Variants in ELAPOR2 observed in about 807,000 individuals in gnomAD.
The protein encoded by ELAPOR2 is endosome-lysosome associated apoptosis and autophagy regulator family member 2, also known as endosome/lysosome-associated apoptosis and autophagy regulator family member 2.
Under a neutral mutation model 120.7 loss-of-function variants are expected in ELAPOR2, and 89 were observed. That is an observed-to-expected ratio of 0.74 (90% CI 0.62 to 0.88). The LOEUF is 0.88. ELAPOR2 is among the 40% of genes least tolerant of loss of function. The probability of loss-of-function intolerance (pLI) is 0.00; values close to 1 mark genes in which losing one functional copy is unlikely to be tolerated. For missense variants in ELAPOR2, 1,134 were observed against 1,251.6 expected (o/e 0.91, Z 1.42); for synonymous variants, 444 against 444.9 (o/e 1.00, Z 0.03).
At chr7:86,895,295 C>T (rs966923988) in intron 19 of ELAPOR2, among the ~76,000 whole-genome samples, 1 of 151,966 alleles carries the variant, frequency 6.6e-6, no homozygotes, top group African/African-American at 2.4e-5. Context: ...ATTCAGTGAT[C>T]GAGGTGGCTA....
chr7:87,000,468 C>T (rs1204593893), intron 1 of ELAPOR2, among the ~76,000 whole-genome samples: 1 of 152,152 alleles, frequency 6.6e-6, no homozygotes, highest in Non-Finnish European at 1.5e-5. Context: ...TGGATTTATC[C>T]TCTGGCCCAG....
chr7:86,893,108 A>G lies in ELAPOR2; in HGVS notation c.2686-8T>C, dbSNP rs747996444. On this transcript the variant is annotated splice_polypyrimidine_tract_variant and splice_region_variant and intron_variant, in intron 19 of 21. Coordinates refer to ENST00000450689, the MANE Select transcript of ELAPOR2 (RefSeq NM_001142749.3). The stretch of plus-strand genomic sequence containing the variant: ...CCACACATACAAGGTTTCCTTTAAA[A>G]AAAAAAACATAAAACCATAGAAGAC... 1 of 1,533,452 alleles carries G rather than the reference A, an allele frequency of 6.5e-7. No homozygotes were observed. Among genetic ancestry groups the G allele is most frequent in the South Asian group, 1.3e-5 (1 of 76,092 alleles). The allele number at this position is 1,533,452 out of a possible 1,614,324, so 95.0% of individuals were successfully genotyped here. A position where few individuals can be genotyped will look rare whatever the true frequency, so the allele number is the denominator to read the frequency against.
intron 1 of ELAPOR2, among the ~76,000 whole-genome samples, chr7:86,993,532 G>A (rs1208773252): frequency 6.6e-6 from 1 of 152,136 alleles, no homozygotes; most frequent in Non-Finnish European, 1.5e-5. Context: ...AAAATAAGAG[G>A]AATCTTACAA....
chr7:87,052,499 T>C (rs1230575326), intron 1 of ELAPOR2, among the ~76,000 whole-genome samples: 1 of 152,202 alleles, frequency 6.6e-6, no homozygotes, highest in African/African-American at 2.4e-5. Context: ...TATCAATTCC[T>C]TTCTTTATAC....
At chr7:87,050,707 G>A (rs1201440500) in intron 1 of ELAPOR2, among the ~76,000 whole-genome samples, 1 of 152,146 alleles carries the variant, frequency 6.6e-6, no homozygotes, top group Non-Finnish European at 1.5e-5. Flanking sequence ...ATATTTTAAT[G>A]CTATCTCTGA....
At chr7:86,945,787 A>G (rs1790974629) in intron 3 of ELAPOR2, among the ~76,000 whole-genome samples, 1 of 152,316 alleles carries the variant, frequency 6.6e-6, no homozygotes, top group South Asian at 2.1e-4. Context: ...ACATATGACC[A>G]CAGCAGAAAA....
chr7:86,944,300 ATTACT>A (rs1221839817), intron 4 of ELAPOR2, among the ~76,000 whole-genome samples: 3 of 152,090 alleles, frequency 2.0e-5, no homozygotes, highest in East Asian at 1.9e-4. Flanking sequence ...TTGTTAGATG[ATTACT>A]TTATCTTATC....
At chr7:86,939,058 A>C in intron 6 of ELAPOR2, 98 bp from the exon 7 acceptor site, 1 of 1,355,236 alleles carries the variant, frequency 7.4e-7, no homozygotes, top group Non-Finnish European at 1.0e-6. Context: ...AGGGAGATAT[A>C]TGAACAGTAA....
At chr7:86,913,821 A>G (rs1789432334) in intron 13 of ELAPOR2, among the ~76,000 whole-genome samples, 1 of 152,160 alleles carries the variant, frequency 6.6e-6, no homozygotes, top group Non-Finnish European at 1.5e-5. Flanking sequence ...ACACTGAGTC[A>G]CTTTAAGGTC....
intron 8 of ELAPOR2, among the ~76,000 whole-genome samples, chr7:86,934,857 T>C (rs1393300744): frequency 6.6e-6 from 1 of 151,986 alleles, no homozygotes; most frequent in East Asian, 1.9e-4. Flanking sequence ...CCAGACCTTC[T>C]CTCTAACCAA....
At chr7:86,899,273 T>C (rs973603131) in intron 18 of ELAPOR2, among the ~76,000 whole-genome samples, 1 of 152,108 alleles carries the variant, frequency 6.6e-6, no homozygotes, top group African/African-American at 2.4e-5. Context: ...TGCCGGAAGC[T>C]ATTTGGACAG....
chr7:86,900,884 C>T (rs1197555499), intron 18 of ELAPOR2, among the ~76,000 whole-genome samples: 1 of 152,118 alleles, frequency 6.6e-6, no homozygotes. Context: ...ACCAAGAAAA[C>T]AGAAAAACAA....
At chr7:86,911,998 C>T in intron 15 of ELAPOR2, 74 bp downstream of exon 15, 1 of 1,398,772 alleles carries the variant, frequency 7.1e-7, no homozygotes. Flanking sequence ...ATTTATTGGT[C>T]CATTAACACA....
At chr7:87,010,316 C>A (rs1376179375) in intron 1 of ELAPOR2, among the ~76,000 whole-genome samples, 1 of 152,152 alleles carries the variant, frequency 6.6e-6, no homozygotes, top group East Asian at 1.9e-4. Flanking sequence ...TAAATGGAGT[C>A]AAATAAATCT....
chr7:86,984,478 A>G (rs938892066), intron 1 of ELAPOR2, among the ~76,000 whole-genome samples: 1 of 152,238 alleles, frequency 6.6e-6, no homozygotes, highest in African/African-American at 2.4e-5. Flanking sequence ...AAATCACAAC[A>G]TACTGTCTCC....
At position 86,926,760 on chromosome 7, in the gene ELAPOR2, CAGG is replaced by C. The variant is rs780464668; in HGVS notation, c.1243_1245del (p.Pro415del). 3 of 1,609,044 alleles carry C rather than the reference CAGG, an allele frequency of 1.9e-6. No homozygotes were observed. The African/African-American group carries it at 4.0e-5, about 22-fold the overall frequency. On this transcript the variant is annotated inframe_deletion, in exon 9 of 22. Transcript: ENST00000450689. ...CCTTTGGTTCCATCTGAAAATGTTC[CAGG>C]AGGACAGGGATGGCAAGAAGATGAT...
intron 3 of ELAPOR2, among the ~76,000 whole-genome samples, chr7:86,946,709 G>GA (rs1791024479): frequency 1.3e-5 from 2 of 152,076 alleles, no homozygotes; most frequent in South Asian, 4.1e-4. Flanking sequence ...TTTACACTGA[G>GA]AAAATTACAC....
chr7:87,050,832 G>C (rs1279297591), intron 1 of ELAPOR2, among the ~76,000 whole-genome samples: 1 of 152,200 alleles, frequency 6.6e-6, no homozygotes, highest in Non-Finnish European at 1.5e-5. Context: ...CTATTGGGAA[G>C]AGGATTTGCT....
chr7:87,016,982 A>G (rs1403305902), intron 1 of ELAPOR2, among the ~76,000 whole-genome samples: 1 of 152,194 alleles, frequency 6.6e-6, no homozygotes, highest in African/African-American at 2.4e-5. Context: ...TTAGATTCCT[A>G]TCCTACTCAT....
Sources: gnomAD v4.1 joint callset for allele counts (sites outside exome capture counted in the v4.1 genomes callset) on GRCh38, gnomAD v4.1.1 for gene constraint, MANE v1.5 for transcripts, NCBI Gene and HGNC (gene_info 2026-07-23, HGNC 2026-07-21) for gene names.